BRINP1: variants seen among roughly 807,000 people sequenced by gnomAD.
BRINP1 encodes BMP/retinoic acid-inducible neural-specific protein 1.
In BRINP1, 17 loss-of-function variants were observed where a neutral mutation model predicts 72.9. That is an observed-to-expected ratio of 0.23 (90% CI 0.16 to 0.35). The LOEUF (loss-of-function observed/expected upper bound fraction) is 0.35, where lower values mean the gene tolerates loss of function less well. Among genes scored for constraint, BRINP1 ranks in the 10% least tolerant of loss-of-function variants. BRINP1 has a pLI of 1.00. For missense variants in BRINP1, 850 were observed against 1,001.6 expected (o/e 0.85, Z 2.04); for synonymous variants, 418 against 378.5 (o/e 1.10, Z -1.21).
Position 119,167,542 on chromosome 9 carries a change from T to C in BRINP1, c.1828A>G (p.Thr610Ala), listed in dbSNP as rs1280098453. 21 of 1,613,918 alleles carry C rather than the reference T, an allele frequency of 1.3e-5. No homozygotes were observed. Among genetic ancestry groups the C allele is most frequent in the Non-Finnish European group, 1.8e-5 (21 of 1,180,004 alleles). ...TAGATGTGGACCGTCTCGAAAAATG[T>C]TTTCCACCGATTGCCCAGCAAAAGA... ...WTLLLGNRWK[T>A]FFETVHIYLR... The change falls in exon 8 of 8, where the codon ACA becomes GCA. Residue 610 changes from threonine (T) to alanine (A), a missense_variant. Thr to Ala is a moderately conservative substitution (Grantham distance 58). Coordinates refer to ENST00000265922, the MANE Select transcript of BRINP1 (RefSeq NM_014618.3). This position sits in a 1 kb window ranked among gnomAD's most constrained non-coding sequence, Gnocchi z 4.3.
intron 1 of BRINP1, among the ~76,000 whole-genome samples, chr9:119,354,688 C>T (rs1475973746): frequency 7.0e-6 from 1 of 142,506 alleles, no homozygotes; most frequent in Non-Finnish European, 1.5e-5. Context: ...AGCAAGAACC[C>T]CGTCTCTAAA....
chr9:119,212,295 T>C (rs944561832), intron 6 of BRINP1, among the ~76,000 whole-genome samples: 2 of 152,242 alleles, frequency 1.3e-5, no homozygotes, highest in South Asian at 2.1e-4. Flanking sequence ...TGCTATTCCA[T>C]AGAACTCTGC....
intron 2 of BRINP1, among the ~76,000 whole-genome samples, chr9:119,288,843 G>C (rs1830794226): frequency 6.6e-6 from 1 of 152,066 alleles, no homozygotes; most frequent in Non-Finnish European, 1.5e-5. Context: ...CCAGGCTGGA[G>C]TGTGATGAAT....
At chr9:119,235,740 G>C (rs960019084) in intron 5 of BRINP1, among the ~76,000 whole-genome samples, 14 of 151,934 alleles carry the variant, frequency 9.2e-5, no homozygotes, top group African/African-American at 2.4e-4. Flanking sequence ...GTCTAGTATT[G>C]GCTTTGGCAT....
chr9:119,295,784 G>A (rs74554358), intron 2 of BRINP1, among the ~76,000 whole-genome samples: 2 of 152,242 alleles, frequency 1.3e-5, no homozygotes, highest in African/African-American at 4.8e-5. Context: ...CACACACAAT[G>A]AGGAAAAGGT....
intron 1 of BRINP1, among the ~76,000 whole-genome samples, chr9:119,324,974 C>T (rs1046626345): frequency 2.0e-5 from 3 of 152,002 alleles, no homozygotes; most frequent in African/African-American, 7.2e-5. Context: ...GTGGTGCATG[C>T]CTGTAATCCC....
intron 1 of BRINP1, among the ~76,000 whole-genome samples, chr9:119,323,352 G>C (rs1456117470): frequency 6.6e-6 from 1 of 152,222 alleles, no homozygotes; most frequent in East Asian, 1.9e-4. Context: ...AATTTGGGAA[G>C]CAACTGCCTA....
intron 2 of BRINP1, among the ~76,000 whole-genome samples, chr9:119,257,991 AAAG>A (rs759030189): frequency 3.9e-5 from 6 of 152,312 alleles, no homozygotes; most frequent in Middle Eastern, 3.4e-3. Context: ...AAGTAGAAAA[AAAG>A]AAGAAGAAAA....
intron 3 of BRINP1, among the ~76,000 whole-genome samples, chr9:119,243,832 C>T (rs1458466969): frequency 6.6e-6 from 1 of 152,124 alleles, no homozygotes; most frequent in Non-Finnish European, 1.5e-5. Context: ...TCTAGGGATA[C>T]AGAGTCATAG....
At chr9:119,227,189 A>G (rs1260793753) in intron 5 of BRINP1, among the ~76,000 whole-genome samples, 1 of 152,074 alleles carries the variant, frequency 6.6e-6, no homozygotes, top group Non-Finnish European at 1.5e-5. Flanking sequence ...AATAGCTCTG[A>G]GATACATGTG....
intron 7 of BRINP1, among the ~76,000 whole-genome samples, chr9:119,179,109 C>T (rs1005711599): frequency 2.0e-5 from 3 of 152,066 alleles, no homozygotes; most frequent in Non-Finnish European, 2.9e-5. Flanking sequence ...TCCTCAACCC[C>T]GGCAACAGAG....
intron 7 of BRINP1, among the ~76,000 whole-genome samples, chr9:119,184,957 C>T (rs1029713080): frequency 6.6e-6 from 1 of 152,172 alleles, no homozygotes; most frequent in Non-Finnish European, 1.5e-5. Flanking sequence ...CTTTTGCACA[C>T]TGGCTCTAAA....
intron 5 of BRINP1, among the ~76,000 whole-genome samples, chr9:119,232,760 C>G (rs1213176376): frequency 2.0e-5 from 3 of 152,002 alleles, no homozygotes; most frequent in Non-Finnish European, 4.4e-5. Context: ...CTCTGCATCC[C>G]TTTCCACATC....
chr9:119,330,773 A>T (rs891167335), intron 1 of BRINP1, among the ~76,000 whole-genome samples: 1 of 152,048 alleles, frequency 6.6e-6, no homozygotes, highest in African/African-American at 2.4e-5. Context: ...CACACCTGTA[A>T]TCCCAACACT....
chr9:119,333,814 GA>G (rs1381684564), intron 1 of BRINP1, among the ~76,000 whole-genome samples: 2 of 151,790 alleles, frequency 1.3e-5, no homozygotes, highest in Non-Finnish European at 1.5e-5. Flanking sequence ...CCTAAGGAAA[GA>G]AAAAAAATAT....
intron 1 of BRINP1, among the ~76,000 whole-genome samples, chr9:119,351,516 T>C: frequency 6.6e-6 from 1 of 151,290 alleles, no homozygotes; most frequent in African/African-American, 2.4e-5. Context: ...AGATCAACAA[T>C]AGTTCATCAT....
intron 4 of BRINP1, among the ~76,000 whole-genome samples, chr9:119,240,194 G>A (rs930584705): frequency 3.9e-5 from 6 of 152,206 alleles, no homozygotes; most frequent in East Asian, 3.9e-4. Flanking sequence ...GCTTGAAACC[G>A]GGAACTGGAG....
chr9:119,368,820 C>T lies in BRINP1; in HGVS notation c.-51+236G>A, dbSNP rs916473943. On this transcript the variant is annotated intron_variant, in intron 1 of 7. Transcript: ENST00000265922. This position sits in a 1 kb window ranked among gnomAD's most constrained non-coding sequence, Gnocchi z 4.7. ...CACCATGGTGCACACGTCGGGAGCG[C>T]GCGGGGACACACACGCCACTCACTC... is the stretch of plus-strand genomic sequence containing the variant. Among the ~76,000 whole-genome samples, 2 of 152,170 alleles carry T rather than the reference C, an allele frequency of 1.3e-5. No individual in the cohort carries two copies. The highest frequency in any genetic ancestry group is 2.9e-5 in the Non-Finnish European group (2 of 68,032).
chr9:119,277,506 T>C (rs957761733), intron 2 of BRINP1, among the ~76,000 whole-genome samples: 2 of 151,894 alleles, frequency 1.3e-5, no homozygotes, highest in African/African-American at 2.4e-5. Flanking sequence ...GGAGGGAGGG[T>C]GAACATCATT....
Sources: allele counts gnomAD v4.1 joint callset (sites outside exome capture counted in the v4.1 genomes callset), GRCh38; gene constraint gnomAD v4.1.1; non-coding constraint Gnocchi (gnomAD v3.1); transcripts MANE v1.5; gene names NCBI Gene and HGNC (gene_info 2026-07-23, HGNC 2026-07-21).